The following KYNU variants were observed in gnomAD, a reference collection of about 807,000 sequenced individuals.
KYNU encodes L-kynurenine hydrolase.
Under a neutral mutation model 59.2 loss-of-function variants are expected in KYNU, and 54 were observed. The observed-to-expected ratio is 0.91, with a 90% CI of 0.73 to 1.14. KYNU has a LOEUF of 1.14. KYNU is among the 50% of genes most tolerant of loss of function. KYNU has a pLI of 0.00. For missense variants in KYNU, 567 were observed against 554.4 expected, an observed-to-expected ratio of 1.02 and a Z score of -0.23; for synonymous variants, 177 against 192.0, an observed-to-expected ratio of 0.92 and a Z score of 0.65.
chr2:142,945,642 A>G (rs1683746939), intron 4 of KYNU, among the ~76,000 whole-genome samples: 1 of 152,134 alleles, frequency 6.6e-6, no homozygotes. Flanking sequence ...AGAATGGTAG[A>G]TCCTTTCCAG....
At chr2:142,923,013 G>C (rs1403748751) in intron 3 of KYNU, among the ~76,000 whole-genome samples, 1 of 152,178 alleles carries the variant, frequency 6.6e-6, no homozygotes, top group Non-Finnish European at 1.5e-5. Context: ...TGGCAGAAGA[G>C]GCAAACACCT....
intron 10 of KYNU, among the ~76,000 whole-genome samples, chr2:143,020,177 G>T (rs982047461): frequency 1.1e-4 from 17 of 151,750 alleles, no homozygotes; most frequent in African/African-American, 4.1e-4. Flanking sequence ...AGTTTGGTTT[G>T]TTCTTGCTTT....
chr2:142,911,991 C>T (rs1266101712), intron 2 of KYNU, among the ~76,000 whole-genome samples: 2 of 146,922 alleles, frequency 1.4e-5, no homozygotes, highest in Non-Finnish European at 3.0e-5. Context: ...GATATTGACC[C>T]GTAATTTTGT....
At chr2:142,977,269 A>G (rs967831006) in intron 8 of KYNU, among the ~76,000 whole-genome samples, 4 of 150,554 alleles carry the variant, frequency 2.7e-5, no homozygotes, top group African/African-American at 9.8e-5. Context: ...ATTTTCTACC[A>G]TCTGAATTTT....
In KYNU at chr2:143,045,503, A is replaced by C. The variant is rs1573927888; in HGVS notation, c.*3331A>C. 5 of 152,114 alleles carry C rather than the reference A, an allele frequency of 3.3e-5. 1 individual carries two copies. The highest frequency in any genetic ancestry group is 3.3e-4 in the Admixed American group (5 of 15,252). The allele number at this position is 152,114 out of a possible 1,614,324, so 9.4% of individuals were successfully genotyped here. On this transcript the variant is annotated 3_prime_UTR_variant, in exon 14 of 14. Coordinates refer to ENST00000264170, the MANE Select transcript of KYNU (RefSeq NM_003937.3). ...TCCATTTGTTTGTGTCCTCTCTGGT[A>C]TCCTTGAGCAGTGGTTTGTAGTTCT... is the stretch of plus-strand genomic sequence containing the variant.
chr2:143,049,586 A>G lies in KYNU; in HGVS notation c.*7414A>G, dbSNP rs995428106. 2 of 152,240 alleles carry G rather than the reference A, an allele frequency of 1.3e-5. No individual in the cohort carries two copies. Among genetic ancestry groups the G allele is most frequent in the African/African-American group, 4.8e-5 (2 of 41,468 alleles). 9.4% of individuals were successfully genotyped at this position (152,240 alleles called of 1,614,324 possible). ...AGTTTCCTGAGACCATCCCTTGCCCAGCTCTTTTGGTGATCCCCTTCACTT... is the reference window on the plus strand; with the variant it reads ...AGTTTCCTGAGACCATCCCTTGCCCGGCTCTTTTGGTGATCCCCTTCACTT... On this transcript the variant is annotated 3_prime_UTR_variant, in exon 14 of 14. Transcript: ENST00000264170.
intron 2 of KYNU, among the ~76,000 whole-genome samples, chr2:142,917,594 G>C (rs895782539): frequency 8.5e-5 from 13 of 152,204 alleles, no homozygotes; most frequent in Non-Finnish European, 1.8e-4. Flanking sequence ...GGGCCACTGT[G>C]CCTGGCTGAC....
At chr2:142,918,536 G>A in intron 2 of KYNU, 73 bp from the exon 3 acceptor site, 1 of 1,387,222 alleles carries the variant, frequency 7.2e-7, no homozygotes, top group Non-Finnish European at 9.7e-7. Context: ...TTAATTATTT[G>A]TACTGGCTTA....
chr2:142,902,346 T>G (rs558258062), intron 2 of KYNU, among the ~76,000 whole-genome samples: 100 of 152,332 alleles, frequency 6.6e-4, no homozygotes, highest in Non-Finnish European at 1.2e-3. Flanking sequence ...AGCTTAACAC[T>G]GAGTCTTGGG....
At chr2:142,882,191 C>T (rs1428110076) in intron 1 of KYNU, among the ~76,000 whole-genome samples, 1 of 152,068 alleles carries the variant, frequency 6.6e-6, no homozygotes, top group East Asian at 1.9e-4. Context: ...AATCTATCCA[C>T]CAGTCCTATC....
chr2:143,032,254 G>A (rs907142462), intron 11 of KYNU, among the ~76,000 whole-genome samples: 6 of 151,508 alleles, frequency 4.0e-5, no homozygotes, highest in Admixed American at 3.9e-4. Context: ...TTCCAGCCTG[G>A]GCAACAGAGC....
chr2:142,936,265 A>G (rs1435288437), intron 4 of KYNU, among the ~76,000 whole-genome samples: 1 of 152,168 alleles, frequency 6.6e-6, no homozygotes, highest in Non-Finnish European at 1.5e-5. Context: ...ATAATTGCTT[A>G]AGTTCGTTAA....
At chr2:142,987,321 T>TG (rs35008823) in intron 10 of KYNU, among the ~76,000 whole-genome samples, 12 of 150,400 alleles carry the variant, frequency 8.0e-5, no homozygotes, top group Middle Eastern at 3.2e-3. Context: ...GGAGGTGGGG[T>TG]GGGGGGGAAG....
At chr2:142,943,946 A>G (rs1340327483) in intron 4 of KYNU, among the ~76,000 whole-genome samples, 2 of 152,218 alleles carry the variant, frequency 1.3e-5, no homozygotes, top group African/African-American at 2.4e-5. Flanking sequence ...GAGACCCGTA[A>G]TGAACCCTCT....
chr2:142,940,924 G>A (rs1178371247), intron 4 of KYNU, among the ~76,000 whole-genome samples: 1 of 152,186 alleles, frequency 6.6e-6, no homozygotes, highest in Non-Finnish European at 1.5e-5. Context: ...TTACTATAAA[G>A]ATACAACTCA....
chr2:142,883,264 G>A (rs1681369659), intron 1 of KYNU, among the ~76,000 whole-genome samples: 1 of 135,994 alleles, frequency 7.4e-6, no homozygotes. Context: ...TGCAACCTCG[G>A]CTCACTGCAG....
intron 2 of KYNU, among the ~76,000 whole-genome samples, chr2:142,887,813 T>C (rs1209563944): frequency 1.3e-5 from 2 of 152,216 alleles, no homozygotes; most frequent in Non-Finnish European, 2.9e-5. Context: ...TTTTGCAAGG[T>C]AGAAAAATTC....
chr2:143,006,790 G>A (rs1406307724), intron 10 of KYNU, among the ~76,000 whole-genome samples: 16 of 151,786 alleles, frequency 1.1e-4, no homozygotes. Context: ...CCCCCAGCAG[G>A]AGCACACTGA....
chr2:142,897,313 T>C (rs1681911861), intron 2 of KYNU, among the ~76,000 whole-genome samples: 1 of 152,224 alleles, frequency 6.6e-6, no homozygotes, highest in African/African-American at 2.4e-5. Context: ...TAGACCTAGT[T>C]CCTCAGAGGA....
Sources: gnomAD v4.1 joint callset for allele counts (sites outside exome capture counted in the v4.1 genomes callset) on GRCh38, gnomAD v4.1.1 for gene constraint, MANE v1.5 for transcripts, NCBI Gene and HGNC (gene_info 2026-07-23, HGNC 2026-07-21) for gene names.